Variants in DCDC1 observed in about 807,000 individuals in gnomAD.
The protein encoded by DCDC1 is doublecortin domain containing 1.
A neutral mutation model predicts 178.3 loss-of-function variants in DCDC1; 200 were observed. That is an observed-to-expected ratio of 1.12 (90% CI 1.00 to 1.26). DCDC1 has a LOEUF of 1.26. DCDC1 is among the 50% of genes most tolerant of loss of function. The pLI, the probability that DCDC1 is intolerant of heterozygous loss-of-function variation, is 0.00. For missense variants in DCDC1, 1,983 were observed against 1,749.2 expected (o/e 1.13, Z -2.38); for synonymous variants, 690 against 604.8 (o/e 1.14, Z -2.07).
At chr11:30,915,761 G>A (rs950012328) in intron 26 of DCDC1, 50 bp from the exon 27 acceptor site, 2 of 1,552,336 alleles carry the variant, frequency 1.3e-6, no homozygotes, top group East Asian at 2.3e-5. Context: ...CCATGCACTT[G>A]ATCATGCACT....
At chr11:31,187,476 A>T (rs1969641039) in intron 9 of DCDC1, among the ~76,000 whole-genome samples, 1 of 152,138 alleles carries the variant, frequency 6.6e-6, no homozygotes, top group South Asian at 2.1e-4. Context: ...CATAGTCACA[A>T]CCTCTTCCTG....
At chr11:30,898,766 T>G (rs1944430275) in intron 34 of DCDC1, among the ~76,000 whole-genome samples, 1 of 152,176 alleles carries the variant, frequency 6.6e-6, no homozygotes, top group South Asian at 2.1e-4. Flanking sequence ...TCTAATGCAG[T>G]TAGGACTAGT....
chr11:31,057,436 G>A (rs1465212964), intron 20 of DCDC1, among the ~76,000 whole-genome samples: 3 of 151,924 alleles, frequency 2.0e-5, no homozygotes, highest in Admixed American at 2.0e-4. Context: ...TCATATATTT[G>A]GAAATTAAGA....
intron 7 of DCDC1, chr11:31,280,840 GT>G (rs979728346): frequency 1.6e-6 from 1 of 623,726 alleles, no homozygotes; most frequent in African/African-American, 1.8e-5. Context: ...TGGCATCTGT[GT>G]AAGTGAATAC....
At chr11:31,354,025 C>T (rs1050770345) in intron 1 of DCDC1, among the ~76,000 whole-genome samples, 5 of 152,162 alleles carry the variant, frequency 3.3e-5, no homozygotes, top group Admixed American at 2.6e-4. Flanking sequence ...CGGTGGCTCA[C>T]GCCTGTAATC....
At chr11:31,070,057 T>C (rs1363775050) in intron 18 of DCDC1, among the ~76,000 whole-genome samples, 2 of 152,216 alleles carry the variant, frequency 1.3e-5, no homozygotes, top group Non-Finnish European at 2.9e-5. Context: ...CCATCATGCA[T>C]TTGGAGACAT....
At chr11:31,213,200 GA>G (rs1973001943) in intron 9 of DCDC1, among the ~76,000 whole-genome samples, 1 of 136,736 alleles carries the variant, frequency 7.3e-6, no homozygotes, top group Non-Finnish European at 1.5e-5. Flanking sequence ...TGTCCTCCAA[GA>G]AAGGCATGTG....
intron 20 of DCDC1, among the ~76,000 whole-genome samples, chr11:31,019,742 T>C (rs775591725): frequency 1.3e-5 from 2 of 152,188 alleles, no homozygotes; most frequent in Non-Finnish European, 2.9e-5. Flanking sequence ...CAGATCTCCA[T>C]GCTCAGCAGT....
chr11:30,977,676 T>A (rs1471934134), intron 20 of DCDC1, among the ~76,000 whole-genome samples: 1 of 152,184 alleles, frequency 6.6e-6, no homozygotes, highest in Non-Finnish European at 1.5e-5. Flanking sequence ...GCACCTGTAA[T>A]CCCAGCATTT....
intron 20 of DCDC1, among the ~76,000 whole-genome samples, chr11:31,051,829 A>G (rs1955269323): frequency 2.0e-5 from 3 of 152,340 alleles, no homozygotes; most frequent in South Asian, 4.1e-4. Context: ...AAGGAGCTCT[A>G]AATCTTGAAA....
At chr11:31,117,348 T>C (rs908546097) in intron 11 of DCDC1, among the ~76,000 whole-genome samples, 2 of 150,398 alleles carry the variant, frequency 1.3e-5, no homozygotes, top group African/African-American at 4.9e-5. Flanking sequence ...CTATTTTACA[T>C]AGTAGATTCC....
intron 11 of DCDC1, among the ~76,000 whole-genome samples, chr11:31,113,643 T>C (rs1361807918): frequency 1.3e-5 from 2 of 152,158 alleles, no homozygotes; most frequent in East Asian, 3.9e-4. Context: ...GGCTGCATAG[T>C]ATTCCATGGT....
At chr11:31,008,083 T>G (rs1475265595) in intron 20 of DCDC1, among the ~76,000 whole-genome samples, 1 of 152,134 alleles carries the variant, frequency 6.6e-6, no homozygotes, top group Non-Finnish European at 1.5e-5. Context: ...ACGCATCTCC[T>G]TTGCAATGGT....
chr11:31,224,908 G>A (rs182042002), intron 9 of DCDC1, among the ~76,000 whole-genome samples: 1 of 152,214 alleles, frequency 6.6e-6, no homozygotes, highest in Admixed American at 6.6e-5. Context: ...CTCTGCTGGT[G>A]GTAATGTAAA....
In DCDC1 at chr11:31,307,759, T is replaced by C. The variant is rs779329519; in HGVS notation, c.314A>G (p.Asp105Gly). ...GTCTGATATTTCATCATGGCTGTGA[T>C]CTGATGCTGTTTGATGTGTGGAGCA... ...QDCSTHQTAS[D>G]HSHDEISDLD... is the part of the protein sequence containing the mutation. The change falls in exon 4 of 39, where the codon GAT becomes GGT. Residue 105 changes from aspartate to glycine, a missense_variant. By Grantham distance (94) the Asp-to-Gly change is moderately conservative (BLOSUM62 -1). Transcript: ENST00000684477. 2 of 1,614,124 alleles carry C rather than the reference T, an allele frequency of 1.2e-6. No individual in the cohort carries two copies. Among genetic ancestry groups the C allele is most frequent in the Admixed American group, 1.7e-5 (1 of 60,014 alleles).
At chr11:31,039,822 T>C (rs1297373572) in intron 20 of DCDC1, among the ~76,000 whole-genome samples, 1 of 152,144 alleles carries the variant, frequency 6.6e-6, no homozygotes, top group African/African-American at 2.4e-5. Flanking sequence ...AAACAGTACC[T>C]GGCTCGTGAT....
At chr11:31,315,306 C>T (rs11822929) in intron 3 of DCDC1, among the ~76,000 whole-genome samples, 164 of 62,210 alleles carry the variant, frequency 2.6e-3, no homozygotes, top group African/African-American at 8.9e-3. Context: ...TTTGCATACC[C>T]TTTTTTTTTT....
chr11:31,120,297 AG>A (rs1301286420), intron 11 of DCDC1, among the ~76,000 whole-genome samples: 4 of 152,162 alleles, frequency 2.6e-5, no homozygotes, highest in African/African-American at 9.7e-5. Context: ...GTTATTATCC[AG>A]GTTACTAAAT....
chr11:31,084,618 C>G (rs1455633681), intron 17 of DCDC1, among the ~76,000 whole-genome samples: 1 of 152,058 alleles, frequency 6.6e-6, no homozygotes, highest in East Asian at 1.9e-4. Context: ...GGGAGGATCC[C>G]TACACAATTA....
Sources: gnomAD v4.1 joint callset for allele counts (sites outside exome capture counted in the v4.1 genomes callset) on GRCh38, gnomAD v4.1.1 for gene constraint, MANE v1.5 for transcripts, NCBI Gene and HGNC (gene_info 2026-07-23, HGNC 2026-07-21) for gene names.